The following RAD51B variants were observed in gnomAD, a reference collection of about 807,000 sequenced individuals.
RAD51B encodes the protein RAD51 paralog B.
A neutral mutation model predicts 42.2 loss-of-function variants in RAD51B; 38 were observed. The observed-to-expected ratio is 0.90, with a 90% CI of 0.70 to 1.18. RAD51B has a LOEUF of 1.18. Ranked by LOEUF, RAD51B falls within the 50% of genes most tolerant of loss-of-function variation. The pLI is 0.00. For synonymous variants in RAD51B, 154 were observed against 145.2 expected (o/e 1.06, Z -0.43); for missense variants, 373 against 400.7 (o/e 0.93, Z 0.59).
At chr14:68,486,503 A>G (rs1883635427) in intron 10 of RAD51B, among the ~76,000 whole-genome samples, 1 of 152,210 alleles carries the variant, frequency 6.6e-6, no homozygotes, top group South Asian at 2.1e-4. Context: ...GGCAGAAGCC[A>G]GTTTGGCTTT....
At chr14:67,998,340 T>G (rs1284920625) in intron 7 of RAD51B, among the ~76,000 whole-genome samples, 1 of 152,218 alleles carries the variant, frequency 6.6e-6, no homozygotes, top group Non-Finnish European at 1.5e-5. Flanking sequence ...AACATCAGAA[T>G]CACCTGAATC....
At chr14:68,563,090 G>A (rs1889236180) in intron 10 of RAD51B, 8 of 985,338 alleles carry the variant, frequency 8.1e-6, no homozygotes, top group Middle Eastern at 5.2e-4. Flanking sequence ...AAAAGCCTCC[G>A]TCTGCCTTGT....
chr14:68,492,668 A>G (rs1884167616), intron 10 of RAD51B, among the ~76,000 whole-genome samples: 1 of 152,226 alleles, frequency 6.6e-6, no homozygotes, highest in Non-Finnish European at 1.5e-5. Context: ...GCCTAGTGGT[A>G]CAGATTATAA....
intron 10 of RAD51B, among the ~76,000 whole-genome samples, chr14:68,507,830 C>T (rs1351235923): frequency 1.3e-5 from 2 of 152,232 alleles, no homozygotes; most frequent in African/African-American, 4.8e-5. Flanking sequence ...TGAGCCCCTG[C>T]TCCTCCGCCA....
At chr14:67,875,347 G>T (rs1405414715) in intron 5 of RAD51B, among the ~76,000 whole-genome samples, 1 of 152,168 alleles carries the variant, frequency 6.6e-6, no homozygotes, top group African/African-American at 2.4e-5. Context: ...GCTGTATTTG[G>T]TGTGCATGTC....
intron 10 of RAD51B, chr14:68,563,204 G>C (rs543705452): frequency 2.6e-4 from 253 of 985,406 alleles, no homozygotes; most frequent in Non-Finnish European, 2.7e-4. Flanking sequence ...GCTGAGGTGA[G>C]CAGTTTTCTC....
intron 7 of RAD51B, among the ~76,000 whole-genome samples, chr14:68,160,204 C>T (rs569955664): frequency 7.2e-5 from 11 of 152,176 alleles, no homozygotes; most frequent in Non-Finnish European, 1.3e-4. Context: ...ATCCATTTTA[C>T]AAAGGAATCA....
Position 68,338,951 on chromosome 14 carries a change from A to C in RAD51B, c.853+46971A>C, listed in dbSNP as rs1228980042. 7.6e-6 allele frequency: 5 copies of C among 659,052 alleles called. No homozygotes were observed. The Admixed American group carries it at 7.6e-5, about 10-fold the overall frequency. The allele number at this position is 659,052 out of a possible 1,614,324, so 40.8% of individuals were successfully genotyped here. On this transcript the variant is annotated intron_variant, in intron 8 of 10. Coordinates refer to ENST00000471583, the MANE Select transcript of RAD51B (RefSeq NM_133510.4). ...TGGTGCAGGTCTTCCTGTGGACTAG[A>C]TGTCCCAGTCTTGCCTTCCCCTTGA...
At chr14:68,356,147 T>C (rs977309532) in intron 8 of RAD51B, among the ~76,000 whole-genome samples, 4 of 142,340 alleles carry the variant, frequency 2.8e-5, no homozygotes, top group Non-Finnish European at 4.7e-5. Context: ...ATAAAAGTTA[T>C]GTTGGCCGGG....
chr14:67,839,304 G>A (rs995569800), intron 4 of RAD51B, among the ~76,000 whole-genome samples: 2 of 151,986 alleles, frequency 1.3e-5, no homozygotes, highest in Non-Finnish European at 2.9e-5. Flanking sequence ...AAAATTGTCT[G>A]ATCTTGATAT....
At chr14:68,396,208 G>C (rs946132225) in intron 8 of RAD51B, among the ~76,000 whole-genome samples, 1 of 152,160 alleles carries the variant, frequency 6.6e-6, no homozygotes, top group Admixed American at 6.5e-5. Context: ...GATATACTTC[G>C]TATGGTCGTT....
At chr14:68,649,024 G>A (rs937671005) in intron 10 of RAD51B, among the ~76,000 whole-genome samples, 2 of 152,176 alleles carry the variant, frequency 1.3e-5, no homozygotes, top group African/African-American at 4.8e-5. Context: ...GCATGTCATA[G>A]CAATGGAACA....
chr14:68,405,863 T>A (rs1356506296), intron 8 of RAD51B, among the ~76,000 whole-genome samples: 1 of 151,114 alleles, frequency 6.6e-6, no homozygotes, highest in Non-Finnish European at 1.5e-5. Context: ...GTTTGAGTGC[T>A]TAACTAGCAA....
intron 7 of RAD51B, among the ~76,000 whole-genome samples, chr14:68,034,865 A>G (rs2076097559): frequency 6.6e-6 from 1 of 152,152 alleles, no homozygotes; most frequent in African/African-American, 2.4e-5. Flanking sequence ...ATCTGAAGGG[A>G]TTGGGATGTC....
chr14:68,097,346 A>T (rs2077212988), intron 7 of RAD51B, among the ~76,000 whole-genome samples: 4 of 151,970 alleles, frequency 2.6e-5, no homozygotes. Flanking sequence ...TCTCTAAGGC[A>T]TGCCATGTAG....
At position 68,477,958 on chromosome 14, in the gene RAD51B, C is replaced by T. The variant is rs762418495; in HGVS notation, c.*294C>T. ...TAATTTGCACTTATATAGCACCTTT[C>T]AACCAGGCACCTCAAAGCGGTTTAA... On this transcript the variant is annotated 3_prime_UTR_variant, in exon 11 of 11. Transcript: ENST00000471583. 4.2e-5 allele frequency: 50 copies of T among 1,185,698 alleles called. No homozygotes were observed. Among genetic ancestry groups the T allele is most frequent in the Non-Finnish European group, 4.9e-5 (47 of 958,106 alleles). 73.4% of individuals were successfully genotyped at this position (1,185,698 alleles called of 1,614,324 possible). A position where few individuals can be genotyped will look rare whatever the true frequency, so the allele number is the denominator to read the frequency against.
intron 8 of RAD51B, among the ~76,000 whole-genome samples, chr14:68,352,359 G>A (rs1403433526): frequency 6.6e-6 from 1 of 152,178 alleles, no homozygotes; most frequent in Non-Finnish European, 1.5e-5. Context: ...GACACATTCT[G>A]AAAGCCAGCA....
intron 9 of RAD51B, among the ~76,000 whole-genome samples, chr14:68,445,653 A>G (rs2085403901): frequency 6.6e-6 from 1 of 152,240 alleles, no homozygotes; most frequent in Non-Finnish European, 1.5e-5. Flanking sequence ...TCCTCAGTCT[A>G]TGACACTGGG....
intron 7 of RAD51B, among the ~76,000 whole-genome samples, chr14:67,960,529 C>T (rs1008721218): frequency 6.6e-6 from 1 of 152,138 alleles, no homozygotes; most frequent in Non-Finnish European, 1.5e-5. Flanking sequence ...ATAGCATCAA[C>T]ATGAGTTTAG....
Sources: gnomAD v4.1 joint callset for allele counts (sites outside exome capture counted in the v4.1 genomes callset) on GRCh38, gnomAD v4.1.1 for gene constraint, MANE v1.5 for transcripts, NCBI Gene and HGNC (gene_info 2026-07-23, HGNC 2026-07-21) for gene names.